The following TMEM181 variants were observed in gnomAD, a reference collection of about 807,000 sequenced individuals.
TMEM181 encodes the protein G protein-coupled receptor 178.
TMEM181 carries 39 observed loss-of-function variants against 71.9 expected under a neutral mutation model. The ratio of observed to expected loss-of-function variants is 0.54; its 90% CI spans 0.42 to 0.71. TMEM181 has a LOEUF of 0.71. TMEM181 is among the 30% of genes least tolerant of loss of function. The pLI is 0.00. For missense variants in TMEM181, 595 were observed against 583.0 expected (o/e 1.02, Z -0.21); for synonymous variants, 245 against 228.8 (o/e 1.07, Z -0.64).
chr6:158,605,991 C>T (rs985650855), intron 7 of TMEM181, among the ~76,000 whole-genome samples: 5 of 152,194 alleles, frequency 3.3e-5, no homozygotes, highest in African/African-American at 4.8e-5. Flanking sequence ...AGCTGCTTGT[C>T]CTTGTGCGGG....
chr6:158,625,277 A>T, intron 12 of TMEM181, 71 bp downstream of exon 12: 1 of 1,368,206 alleles, frequency 7.3e-7, no homozygotes, highest in Non-Finnish European at 1.0e-6. Flanking sequence ...AAGTGGTTGG[A>T]GTCTCCCAAG....
At chr6:158,560,804 C>T (rs1782123397) in intron 1 of TMEM181, among the ~76,000 whole-genome samples, 1 of 108,562 alleles carries the variant, frequency 9.2e-6, no homozygotes, top group Non-Finnish European at 1.8e-5. Flanking sequence ...TTACGATCTG[C>T]TGACTTTGGG....
At chr6:158,598,420 T>TC (rs1562298492) in intron 6 of TMEM181, among the ~76,000 whole-genome samples, 1 of 152,082 alleles carries the variant, frequency 6.6e-6, no homozygotes, top group African/African-American at 2.4e-5. Flanking sequence ...ACGTCTCAAG[T>TC]CCTTCAGGCT....
chr6:158,563,444 A>G (rs540129065), intron 1 of TMEM181, among the ~76,000 whole-genome samples: 3 of 152,200 alleles, frequency 2.0e-5, no homozygotes, highest in Admixed American at 6.5e-5. Context: ...ACGCTTGGCC[A>G]GGAACTGGGG....
At chr6:158,604,332 A>ATGTG (rs1412172605) in intron 6 of TMEM181, among the ~76,000 whole-genome samples, 7 of 124,016 alleles carry the variant, frequency 5.6e-5, no homozygotes, top group African/African-American at 2.0e-4. Context: ...GCATGCGTGC[A>ATGTG]TGCGTGTGTG....
intron 6 of TMEM181, among the ~76,000 whole-genome samples, chr6:158,599,762 G>A (rs1784568624): frequency 6.6e-6 from 1 of 152,222 alleles, no homozygotes; most frequent in African/African-American, 2.4e-5. Flanking sequence ...TCATGGAGGG[G>A]CCAGGGCCCT....
At chr6:158,603,014 T>G (rs767181104) in intron 6 of TMEM181, among the ~76,000 whole-genome samples, 3 of 152,208 alleles carry the variant, frequency 2.0e-5, no homozygotes, top group Non-Finnish European at 4.4e-5. Context: ...CCCCACCCCC[T>G]TTTAAGATTT....
intron 2 of TMEM181, among the ~76,000 whole-genome samples, chr6:158,573,833 G>GA (rs1362940068): frequency 2.0e-5 from 3 of 152,174 alleles, no homozygotes; most frequent in African/African-American, 7.2e-5. Context: ...AGACCCAGCT[G>GA]GGCGCTGGTG....
At chr6:158,551,904 A>G (rs534044904) in intron 1 of TMEM181, among the ~76,000 whole-genome samples, 2 of 152,292 alleles carry the variant, frequency 1.3e-5, no homozygotes, top group Admixed American at 6.5e-5. Context: ...TACAGTTTTT[A>G]TGCTCTCCAG....
intron 6 of TMEM181, among the ~76,000 whole-genome samples, chr6:158,596,238 T>C (rs1240714637): frequency 6.6e-6 from 1 of 152,328 alleles, no homozygotes; most frequent in African/African-American, 2.4e-5. Context: ...TCCAATTCTT[T>C]ATACACGTTA....
rs1184892780 is a variant in TMEM181 at position 158,625,199 on chromosome 6, T to G, written c.1050T>G (p.Pro350=). 1 of 1,613,810 alleles carries G rather than the reference T, an allele frequency of 6.2e-7. No homozygotes were observed. The highest frequency in any genetic ancestry group is 8.5e-7 in the Non-Finnish European group (1 of 1,179,696). ...CGTGTTCCGAGCTACGTCACATGCCTTATGTGGGTAAGTGCTCCTTTCAGA... is the reference window on the plus strand; with the variant it reads ...CGTGTTCCGAGCTACGTCACATGCCGTATGTGGGTAAGTGCTCCTTTCAGA... ...VRACSELRHM[P]YVDLRLKFLT... The change falls in exon 12 of 17, where the codon CCT becomes CCG. Residue 350 remains proline (P), a synonymous_variant. Coordinates refer to ENST00000684151, the MANE Select transcript of TMEM181 (RefSeq NM_001376852.1).
intron 1 of TMEM181, among the ~76,000 whole-genome samples, chr6:158,563,600 C>T (rs1263586663): frequency 6.6e-6 from 1 of 152,252 alleles, no homozygotes; most frequent in Non-Finnish European, 1.5e-5. Flanking sequence ...AAATGGGGCT[C>T]ACTGGCCAGC....
chr6:158,631,174 G>A (rs572116995), intron 15 of TMEM181, 149 bp from the exon 16 acceptor site: 13 of 792,098 alleles, frequency 1.6e-5, no homozygotes, highest in South Asian at 6.3e-5. Flanking sequence ...ACAGCCTCAC[G>A]AGATGTGTTC....
At chr6:158,611,791 C>G (rs1414157677) in intron 10 of TMEM181, 2 of 199,254 alleles carry the variant, frequency 1.0e-5, no homozygotes, top group African/African-American at 4.7e-5. Flanking sequence ...GGACAATAAA[C>G]CTGAGAGGGC....
rs775157793 is a variant in TMEM181, at chr6:158,585,358, A to C, written c.314A>C (p.Gln105Pro). 1.2e-6 allele frequency: 2 copies of C among 1,612,234 alleles called. No individual in the cohort carries two copies. Among genetic ancestry groups the C allele is most frequent in the African/African-American group, 1.3e-5 (1 of 74,822 alleles). ...PMTVKVDGVAQDGTTMYIHNK... is the reference protein window; with the variant it reads ...PMTVKVDGVAPDGTTMYIHNK... ...ACTGTTAAAGTCGATGGTGTAGCTC[A>C]AGATGGAACCACGATGTACATTCAT... Residue 105 changes from glutamine to proline, a missense_variant, in exon 5 of 17, where the codon CAA becomes CCA. Transcript: ENST00000684151.
intron 15 of TMEM181, 68 bp from the exon 16 acceptor site, chr6:158,631,255 C>A: frequency 6.5e-7 from 1 of 1,534,730 alleles, no homozygotes; most frequent in Non-Finnish European, 9.0e-7. Flanking sequence ...TTGTCCGGGA[C>A]AGCATCCTGC....
upstream of TMEM181, among the ~76,000 whole-genome samples, chr6:158,557,011 A>G (rs568969563): frequency 6.6e-6 from 1 of 152,230 alleles, no homozygotes; most frequent in African/African-American, 2.4e-5. Context: ...AAGTGCTGGG[A>G]TTATAGGCAT....
chr6:158,618,529 G>T (rs1048871213), intron 10 of TMEM181, among the ~76,000 whole-genome samples: 2 of 152,198 alleles, frequency 1.3e-5, no homozygotes, highest in African/African-American at 4.8e-5. Context: ...ATTTGATCCT[G>T]CCATTATGAT....
chr6:158,621,379 C>T (rs955228550), intron 10 of TMEM181: 5 of 196,948 alleles, frequency 2.5e-5, no homozygotes, highest in Admixed American at 5.0e-5. Context: ...TGAAGGTGCT[C>T]CTGCTCTGTC....
Sources: allele counts gnomAD v4.1 joint callset (sites outside exome capture counted in the v4.1 genomes callset), GRCh38; gene constraint gnomAD v4.1.1; transcripts MANE v1.5; gene names NCBI Gene and HGNC (gene_info 2026-07-23, HGNC 2026-07-21).